The following PDE12 variants were observed in gnomAD, a reference collection of about 807,000 sequenced individuals.
PDE12 encodes the protein phosphodiesterase 12.
Under a neutral mutation model 45.4 loss-of-function variants are expected in PDE12, and 26 were observed. The observed-to-expected ratio is 0.57, with a 90% confidence interval of 0.42 to 0.79. The LOEUF is 0.79. Ranked by LOEUF, PDE12 falls within the 30% of genes least tolerant of loss-of-function variation. PDE12 has a pLI of 0.00. For synonymous variants in PDE12, 283 were observed against 323.9 expected, an observed-to-expected ratio of 0.87 and a Z score of 1.36; for missense variants, 668 against 790.0, an observed-to-expected ratio of 0.85 and a Z score of 1.85.
the PDE12 span, chr3:57,634,585 A>C: frequency 4.8e-6 from 7 of 1,448,732 alleles, no homozygotes; most frequent in African/African-American, 1.4e-5. Flanking sequence ...TGATCTCTTC[A>C]TCTCTATTTA....
the PDE12 span, among the ~76,000 whole-genome samples, chr3:57,610,391 C>T: frequency 6.6e-6 from 1 of 152,074 alleles, no homozygotes; most frequent in African/African-American, 2.4e-5. Context: ...CCAGGGCAAT[C>T]AGGCAGGAGA....
chr3:57,599,282 G>A, the PDE12 span, among the ~76,000 whole-genome samples: 2 of 152,312 alleles, frequency 1.3e-5, no homozygotes, highest in South Asian at 2.1e-4. Context: ...TCAGATATGC[G>A]TTTATCTCAG....
At chr3:57,593,758 C>T in the PDE12 span, among the ~76,000 whole-genome samples, 1 of 152,100 alleles carries the variant, frequency 6.6e-6, no homozygotes, top group African/African-American at 2.4e-5. Flanking sequence ...ACAATGCAGC[C>T]AGGCTCAGTG....
the PDE12 span, among the ~76,000 whole-genome samples, chr3:57,637,851 A>G: frequency 2.6e-5 from 4 of 151,802 alleles, no homozygotes; most frequent in African/African-American, 9.7e-5. Flanking sequence ...ACTCCTGTGC[A>G]CAGGCCGGGC....
rs1420187927 is a variant in PDE12 at position 57,557,204 on chromosome 3, C to T, written c.825C>T (p.Gly275=). The T allele has an allele frequency of 1.2e-6, 2 of 1,603,366 alleles. No individual in the cohort carries two copies. The highest frequency in any genetic ancestry group is 1.4e-5 in the African/African-American group (1 of 71,432). ...TGTGTGTGGTAGAGGCTGGGCCTGG[C>T]ACCTGCACTTTTGACCACCGGCATC... ...ESVCVVEAGP[G]TCTFDHRHLY... Residue 275 remains glycine (G), a synonymous_variant, in exon 1 of 3, where the codon GGC becomes GGT. Transcript: ENST00000311180.
rs748894438 is a variant in PDE12 at position 57,560,660 on chromosome 3, T to G, written c.*656T>G. Reference sequence around the variant, plus strand: ...ATTTTTATAAGAGAATTTTTTTAGCTAGGAGTTCAGAATTTTTAAAGTACC... The same window carrying G: ...ATTTTTATAAGAGAATTTTTTTAGCGAGGAGTTCAGAATTTTTAAAGTACC... On this transcript the variant is annotated 3_prime_UTR_variant, in exon 3 of 3. Coordinates refer to ENST00000311180, the MANE Select transcript of PDE12 (RefSeq NM_177966.7). The G allele has an allele frequency of 1.2e-5, 12 of 985,382 alleles. No individual in the cohort carries two copies. The highest frequency in any genetic ancestry group is 1.4e-5 in the Non-Finnish European group (12 of 829,844). The allele number at this position is 985,382 out of a possible 1,614,324, so 61.0% of individuals were successfully genotyped here.
Position 57,557,087 on chromosome 3 carries a change from C to A in PDE12, c.708C>A (p.Thr236=), listed in dbSNP as rs745546180. The change falls in exon 1 of 3, where the codon ACC becomes ACA. Residue 236 remains threonine, a synonymous_variant. Coordinates refer to ENST00000311180, the MANE Select transcript of PDE12 (RefSeq NM_177966.7). ...TETDVEERVY[T]PSNADIGLRL... Reference sequence around the variant, plus strand: ...CTGATGTGGAGGAGCGTGTCTACACCCCGTCCAATGCCGACATCGGGCTAA... The same window carrying A: ...CTGATGTGGAGGAGCGTGTCTACACACCGTCCAATGCCGACATCGGGCTAA... 6.1e-5 allele frequency: 99 copies of A among 1,613,898 alleles called. No individual in the cohort carries two copies. The highest frequency in any genetic ancestry group is 8.3e-5 in the Non-Finnish European group (98 of 1,180,016).
the PDE12 span, among the ~76,000 whole-genome samples, chr3:57,598,611 C>A: frequency 6.6e-6 from 1 of 152,094 alleles, no homozygotes; most frequent in Non-Finnish European, 1.5e-5. Flanking sequence ...GAAACCCAGT[C>A]TCTACTAAAA....
the PDE12 span, among the ~76,000 whole-genome samples, chr3:57,619,271 C>T: frequency 7.2e-5 from 11 of 152,158 alleles, no homozygotes; most frequent in African/African-American, 2.4e-4. Context: ...TGGTGTGAAC[C>T]CAGGAGGCGG....
At chr3:57,604,627 G>GAA in the PDE12 span, among the ~76,000 whole-genome samples, 1 of 40,472 alleles carries the variant, frequency 2.5e-5, no homozygotes, top group East Asian at 4.6e-4. Context: ...TGGGGGGGGT[G>GAA]GGTGGGACAG....
chr3:57,626,885 A>G, the PDE12 span: 1 of 152,580 alleles, frequency 6.6e-6, no homozygotes, highest in Non-Finnish European at 1.5e-5. Context: ...GAAAGTTCCC[A>G]TGTCAAACAA....
chr3:57,590,250 G>A, the PDE12 span, among the ~76,000 whole-genome samples: 2 of 152,022 alleles, frequency 1.3e-5, no homozygotes, highest in African/African-American at 4.8e-5. Context: ...ACTTTGGGAG[G>A]CTGAGGTGGA....
the PDE12 span, among the ~76,000 whole-genome samples, chr3:57,617,496 AT>A: frequency 6.6e-6 from 1 of 152,206 alleles, no homozygotes; most frequent in African/African-American, 2.4e-5. Context: ...TACCAAAAAA[AT>A]ACCTGCACTC....
chr3:57,625,690 C>T, the PDE12 span: 1 of 152,110 alleles, frequency 6.6e-6, no homozygotes, highest in Non-Finnish European at 1.5e-5. Context: ...TTATCAGTCA[C>T]TCTTTCCCAG....
chr3:57,633,731 A>C, the PDE12 span, among the ~76,000 whole-genome samples: 2 of 152,050 alleles, frequency 1.3e-5, no homozygotes, highest in African/African-American at 4.8e-5. Context: ...TCTACTAAAA[A>C]ATACAAAAAT....
the PDE12 span, among the ~76,000 whole-genome samples, chr3:57,596,271 TCA>T: frequency 6.6e-6 from 1 of 152,230 alleles, no homozygotes; most frequent in Non-Finnish European, 1.5e-5. Context: ...GTCATGATGT[TCA>T]GTTACTTGAA....
At chr3:57,597,438 G>A in the PDE12 span, 1 of 258,384 alleles carries the variant, frequency 3.9e-6, no homozygotes, top group Middle Eastern at 1.3e-3. Flanking sequence ...CCCCTCCAAC[G>A]CGGACAGAAT....
chr3:57,599,279 T>C, the PDE12 span, among the ~76,000 whole-genome samples: 3 of 152,188 alleles, frequency 2.0e-5, no homozygotes, highest in African/African-American at 4.8e-5. Flanking sequence ...CAGTCAGATA[T>C]GCGTTTATCT....
chr3:57,589,502 G>A, the PDE12 span, among the ~76,000 whole-genome samples: 2 of 152,038 alleles, frequency 1.3e-5, no homozygotes, highest in Admixed American at 6.6e-5. Flanking sequence ...GGTGGATCAC[G>A]AGGTCAGCAG....
Sources: gnomAD v4.1 joint callset for allele counts (sites outside exome capture counted in the v4.1 genomes callset) on GRCh38, gnomAD v4.1.1 for gene constraint, MANE v1.5 for transcripts, NCBI Gene and HGNC (gene_info 2026-07-23, HGNC 2026-07-21) for gene names.